The following CHEK1 variants were observed in gnomAD, a reference collection of about 807,000 sequenced individuals.
CHEK1 encodes the protein serine/threonine-protein kinase Chk1.
A neutral mutation model predicts 60.2 loss-of-function variants in CHEK1; 32 were observed. The ratio of observed to expected loss-of-function variants is 0.53; its 90% CI spans 0.40 to 0.71. The LOEUF (loss-of-function observed/expected upper bound fraction) is 0.71. Among genes scored for constraint, CHEK1 ranks in the 30% least tolerant of loss-of-function variants. The probability of loss-of-function intolerance (pLI) is 0.00; values close to 1 mark genes in which losing one functional copy is unlikely to be tolerated. For missense variants in CHEK1, 399 were observed against 564.6 expected (o/e 0.71, Z 2.97); for synonymous variants, 179 against 187.2 (o/e 0.96, Z 0.36).
In CHEK1 at chr11:125,656,820, C is replaced by G. The variant is rs943053106; in HGVS notation, c.*1500C>G. 4.7e-6 allele frequency: 1 copy of G among 213,286 alleles called. No homozygotes were observed. The highest frequency in any genetic ancestry group is 5.9e-5 in the Admixed American group (1 of 17,070). The allele number at this position is 213,286 out of a possible 1,614,324, so 13.2% of individuals were successfully genotyped here. A position where few individuals can be genotyped will look rare whatever the true frequency, so the allele number is the denominator to read the frequency against. Reference sequence around the variant, plus strand: ...TCTGCAAAGTCTTTCCCTGACTTATCTAAAATAATAACCTCCTCTGTTTGC... The same window carrying G: ...TCTGCAAAGTCTTTCCCTGACTTATGTAAAATAATAACCTCCTCTGTTTGC... On this transcript the variant is annotated 3_prime_UTR_variant, in exon 13 of 13. Transcript: ENST00000438015.
In CHEK1 at chr11:125,625,676, T is replaced by TC. The variant is rs1940555425; in HGVS notation, c.-352dup. The TC allele has an allele frequency of 1.6e-6, 1 of 611,806 alleles. No individual in the cohort carries two copies. The highest frequency in any genetic ancestry group is 2.6e-5 in the Admixed American group (1 of 38,366). The allele number at this position is 611,806 out of a possible 1,614,324, so 37.9% of individuals were successfully genotyped here. On this transcript the variant is annotated 5_prime_UTR_variant, in exon 1 of 13. Coordinates refer to ENST00000438015, the MANE Select transcript of CHEK1 (RefSeq NM_001114122.3). The stretch of plus-strand genomic sequence containing the variant: ...CCCCTGAGGCTTGGAGGCCTGGGCT[T>TC]CCCCCAGCAGCGCTCGAGCACCGCC...
chr11:125,657,345 T>G (rs900932535), downstream of CHEK1, among the ~76,000 whole-genome samples: 1 of 152,026 alleles, frequency 6.6e-6, no homozygotes, highest in African/African-American at 2.4e-5. Flanking sequence ...ACATAAAATA[T>G]GTACACTTCA....
chr11:125,665,175 A>G (rs1038688408), intron 13 of CHEK1, among the ~76,000 whole-genome samples: 2 of 146,868 alleles, frequency 1.4e-5, no homozygotes, highest in Non-Finnish European at 3.0e-5. Flanking sequence ...TTTGGTTACT[A>G]TAGCTTTGTA....
rs1284278687 is a variant in CHEK1 at position 125,626,018 on chromosome 11, G to A, written c.-21+6G>A. 7.2e-6 allele frequency: 5 copies of A among 696,704 alleles called. No individual in the cohort carries two copies. The highest frequency in any genetic ancestry group is 3.5e-5 in the African/African-American group (2 of 57,162). The allele number at this position is 696,704 out of a possible 1,614,324, so 43.2% of individuals were successfully genotyped here. ...GGTGGGCAAAGGACAGTCCGGTGAG[G>A]AAGGGCGGCCGGTAGAGTAGGGAAG... On this transcript the variant is annotated splice_donor_region_variant and intron_variant, in intron 1 of 12. Transcript: ENST00000438015.
At chr11:125,674,211 T>C (rs1942368643) in intron 13 of CHEK1, among the ~76,000 whole-genome samples, 2 of 152,164 alleles carry the variant, frequency 1.3e-5, no homozygotes, top group South Asian at 2.1e-4. Context: ...AATAACATCA[T>C]TTGATGTCAA....
At position 125,653,847 on chromosome 11, in the gene CHEK1, G is replaced by T; in HGVS notation, c.1335G>T (p.Lys445Asn). 1 of 1,500,842 alleles carries T rather than the reference G, an allele frequency of 6.7e-7. No homozygotes were observed. Among genetic ancestry groups the T allele is most frequent in the South Asian group, 1.2e-5 (1 of 83,218 alleles). 93.0% of individuals were successfully genotyped at this position (1,500,842 alleles called of 1,614,324 possible). A position where few individuals can be genotyped will look rare whatever the true frequency, so the allele number is the denominator to read the frequency against. The change falls in exon 12 of 13, where the codon AAG becomes AAT. Residue 445 changes from lysine to asparagine, a missense_variant and splice_region_variant. Lys to Asn is a moderately conservative substitution (Grantham distance 94). Transcript: ENST00000438015. The surrounding 1 kb of genome is among the most constrained non-coding windows in gnomAD (Gnocchi z 4.3). ...TATTGGTTGACTTCCGGCTTTCTAA[G>T]GTATTTTTATGTTTTATTGTATTCT... ...DKILVDFRLS[K>N]GDGLEFKRHF...
chr11:125,625,862 C>T lies in CHEK1; in HGVS notation c.-171C>T. The T allele has an allele frequency of 1.4e-6, 1 of 702,654 alleles. No homozygotes were observed. 43.5% of individuals were successfully genotyped at this position (702,654 alleles called of 1,614,324 possible). ...ACATCTCCACGTCACCCTTTTGGAG[C>T]CGCCGACATTCAGAGGGGCAGGACA... is the stretch of plus-strand genomic sequence containing the variant. On this transcript the variant is annotated 5_prime_UTR_variant, in exon 1 of 13. Transcript: ENST00000438015.
downstream of CHEK1, among the ~76,000 whole-genome samples, chr11:125,658,780 C>T (rs1941963763): frequency 6.6e-6 from 1 of 150,812 alleles, no homozygotes; most frequent in Non-Finnish European, 1.5e-5. Flanking sequence ...GCCTCAGCCT[C>T]CCTGGCCCAA....
In CHEK1 at chr11:125,625,843, C is replaced by A; in HGVS notation, c.-190C>A. Reference sequence around the variant, plus strand: ...GCCCTGGGCGGGAGCGGCAACATCTCCACGTCACCCTTTTGGAGCCGCCGA... The same window carrying A: ...GCCCTGGGCGGGAGCGGCAACATCTACACGTCACCCTTTTGGAGCCGCCGA... On this transcript the variant is annotated 5_prime_UTR_variant, in exon 1 of 13. Coordinates refer to ENST00000438015, the MANE Select transcript of CHEK1 (RefSeq NM_001114122.3). The A allele has an allele frequency of 1.4e-6, 1 of 702,630 alleles. No individual in the cohort carries two copies. The highest frequency in any genetic ancestry group is 2.6e-6 in the Non-Finnish European group (1 of 384,998). 43.5% of individuals were successfully genotyped at this position (702,630 alleles called of 1,614,324 possible). A position where few individuals can be genotyped will look rare whatever the true frequency, so the allele number is the denominator to read the frequency against.
downstream of CHEK1, among the ~76,000 whole-genome samples, chr11:125,661,816 ATGTG>A (rs1246848825): frequency 6.6e-6 from 1 of 152,124 alleles, no homozygotes; most frequent in Non-Finnish European, 1.5e-5. Flanking sequence ...GATAATATAT[ATGTG>A]TTTCTATGTG....
chr11:125,672,857 C>G, intron 13 of CHEK1: 1 of 1,129,536 alleles, frequency 8.9e-7, no homozygotes, highest in Non-Finnish European at 1.2e-6. Flanking sequence ...CTTCTATTTG[C>G]TTCCTCTGGG....
downstream of CHEK1, chr11:125,676,337 G>T (rs760011452): frequency 6.2e-7 from 1 of 1,613,338 alleles, no homozygotes. Context: ...GGCAGAAATT[G>T]CCTCATGAAG....
At chr11:125,676,815 T>A (rs1229862745), downstream of CHEK1, among the ~76,000 whole-genome samples, 1 of 152,176 alleles carries the variant, frequency 6.6e-6, no homozygotes, top group Non-Finnish European at 1.5e-5. Flanking sequence ...GTGATTTTCA[T>A]CTCCCTTTTG....
chr11:125,675,856 C>T (rs750475264), intron 13 of CHEK1: 9 of 154,526 alleles, frequency 5.8e-5, no homozygotes, highest in African/African-American at 1.9e-4. Context: ...GGGCATCTAT[C>T]TCTTCATCAG....
intron 5 of CHEK1, among the ~76,000 whole-genome samples, chr11:125,631,720 T>G (rs981505203): frequency 6.6e-6 from 1 of 151,652 alleles, no homozygotes; most frequent in African/African-American, 2.4e-5. Context: ...TAGCTAGACA[T>G]GGTGGTGCAC....
At chr11:125,630,216 C>T (rs1189226662) in intron 5 of CHEK1, among the ~76,000 whole-genome samples, 1 of 151,676 alleles carries the variant, frequency 6.6e-6, no homozygotes, top group Non-Finnish European at 1.5e-5. Context: ...CTTACAGGGT[C>T]AGAATCAAAA....
At chr11:125,646,099 A>G (rs1941492348) in intron 11 of CHEK1, among the ~76,000 whole-genome samples, 1 of 152,170 alleles carries the variant, frequency 6.6e-6, no homozygotes, top group Non-Finnish European at 1.5e-5. Flanking sequence ...CCACGGGGAA[A>G]AAAAAACAAA....
chr11:125,631,144 A>G (rs1362086436), intron 5 of CHEK1, among the ~76,000 whole-genome samples: 1 of 152,202 alleles, frequency 6.6e-6, no homozygotes, highest in African/African-American at 2.4e-5. Context: ...AAAGTAGGGG[A>G]GGGAATGTAT....
chr11:125,627,859 TAAACAAG>T, intron 3 of CHEK1, 29 bp downstream of exon 3: 1 of 1,473,966 alleles, frequency 6.8e-7, no homozygotes, highest in Non-Finnish European at 9.1e-7. Context: ...ATAATTATTT[TAAACAAG>T]TTTTTAAATT....
Sources: gnomAD v4.1 joint callset for allele counts (sites outside exome capture counted in the v4.1 genomes callset) on GRCh38, gnomAD v4.1.1 for gene constraint, Gnocchi (gnomAD v3.1) non-coding constraint, MANE v1.5 for transcripts, NCBI Gene and HGNC (gene_info 2026-07-23, HGNC 2026-07-21) for gene names.